Variants in ACER3 observed in about 807,000 individuals in gnomAD.
ACER3 encodes alkCDase 3.
ACER3 carries 16 observed loss-of-function variants against 48.9 expected under a neutral mutation model. That is an observed-to-expected ratio of 0.33 (90% confidence interval 0.22 to 0.50). The LOEUF (loss-of-function observed/expected upper bound fraction) is 0.50, where lower values mean the gene tolerates loss of function less well. Among genes scored for constraint, ACER3 ranks in the 20% least tolerant of loss-of-function variants. ACER3 has a pLI of 0.98. For missense variants in ACER3, 227 were observed against 326.0 expected (o/e 0.70, Z 2.34); for synonymous variants, 109 against 107.8 (o/e 1.01, Z -0.07).
At chr11:76,971,284 GT>G (rs1948292777) in intron 3 of ACER3, among the ~76,000 whole-genome samples, 1 of 152,202 alleles carries the variant, frequency 6.6e-6, no homozygotes, top group Non-Finnish European at 1.5e-5. Context: ...GTTCACGCCT[GT>G]AATCGCAGCA....
At chr11:76,892,279 TC>T (rs1945825892) in intron 1 of ACER3, among the ~76,000 whole-genome samples, 1 of 152,206 alleles carries the variant, frequency 6.6e-6, no homozygotes, top group African/African-American at 2.4e-5. Flanking sequence ...AGGTCTTGGT[TC>T]CCTTCTGCTT....
intron 7 of ACER3, among the ~76,000 whole-genome samples, chr11:77,000,681 T>C (rs1949014840): frequency 6.6e-6 from 1 of 152,228 alleles, no homozygotes; most frequent in Non-Finnish European, 1.5e-5. Flanking sequence ...CCTTTCTCCA[T>C]TGAATTGCCT....
At chr11:76,884,464 A>T (rs973012693) in intron 1 of ACER3, among the ~76,000 whole-genome samples, 1 of 152,106 alleles carries the variant, frequency 6.6e-6, no homozygotes, top group Non-Finnish European at 1.5e-5. Context: ...AGTCCCCCAA[A>T]TCATTGTAGT....
chr11:76,921,436 A>G (rs941660568), intron 1 of ACER3, among the ~76,000 whole-genome samples: 1 of 152,210 alleles, frequency 6.6e-6, no homozygotes, highest in African/African-American at 2.4e-5. Flanking sequence ...TTTTTTTCCT[A>G]TATAAATATG....
chr11:76,950,859 G>A (rs879763405), intron 2 of ACER3, among the ~76,000 whole-genome samples: 2 of 152,162 alleles, frequency 1.3e-5, no homozygotes, highest in Non-Finnish European at 2.9e-5. Flanking sequence ...GTTTTGTTGA[G>A]AGAAAGATAA....
At chr11:76,958,441 C>A (rs1285265879) in intron 2 of ACER3, among the ~76,000 whole-genome samples, 1 of 152,114 alleles carries the variant, frequency 6.6e-6, no homozygotes, top group Non-Finnish European at 1.5e-5. Context: ...CCCACCTCAA[C>A]CTCCCAAAGT....
chr11:76,975,443 A>G (rs1249146892), intron 3 of ACER3, among the ~76,000 whole-genome samples: 2 of 152,116 alleles, frequency 1.3e-5, no homozygotes, highest in African/African-American at 4.8e-5. Context: ...TATCATTGCT[A>G]ATAATAATAA....
At chr11:76,961,551 GAA>G (rs140205342) in intron 3 of ACER3, among the ~76,000 whole-genome samples, 2 of 123,916 alleles carry the variant, frequency 1.6e-5, no homozygotes, top group Admixed American at 1.6e-4. Flanking sequence ...GGCTGGGGCA[GAA>G]AAAAAAAAAA....
chr11:76,911,433 C>T (rs1487041784), intron 1 of ACER3, among the ~76,000 whole-genome samples: 1 of 152,154 alleles, frequency 6.6e-6, no homozygotes, highest in Non-Finnish European at 1.5e-5. Context: ...GGCCAGAGGT[C>T]ACTTTTTTTG....
chr11:77,007,762 C>T (rs986854865), intron 7 of ACER3, among the ~76,000 whole-genome samples: 42 of 152,200 alleles, frequency 2.8e-4, no homozygotes, highest in African/African-American at 9.9e-4. Context: ...CAAGCCCTCA[C>T]TACTTGGCCT....
chr11:76,905,935 A>C (rs1946218849), intron 1 of ACER3, among the ~76,000 whole-genome samples: 1 of 152,246 alleles, frequency 6.6e-6, no homozygotes, highest in Non-Finnish European at 1.5e-5. Flanking sequence ...TAACCATTAC[A>C]TCTGGAAATG....
At chr11:76,923,436 G>T (rs920036815) in intron 1 of ACER3, among the ~76,000 whole-genome samples, 1 of 152,024 alleles carries the variant, frequency 6.6e-6, no homozygotes, top group Non-Finnish European at 1.5e-5. Context: ...TTTAGTCCTT[G>T]TCTGCTAATT....
intron 1 of ACER3, among the ~76,000 whole-genome samples, chr11:76,899,038 G>A (rs1946012725): frequency 6.6e-6 from 1 of 151,266 alleles, no homozygotes; most frequent in East Asian, 1.9e-4. Context: ...TATAATCTTG[G>A]CATCAGGAAA....
In ACER3 at chr11:76,872,905, C is replaced by CTTTTTTTTTTTTTTTTTTT. The variant is rs756362938; in HGVS notation, c.103+11831_103+11832insTTTTTTTTTTTTTTTTTTT. 4.3e-4 allele frequency among the ~76,000 whole-genome samples: 41 copies of CTTTTTTTTTTTTTTTTTTT among 94,570 alleles called. 1 individual carries two copies. The highest frequency in any genetic ancestry group is 7.1e-4 in the South Asian group (2 of 2,836). The allele number at this position is 94,570 out of a possible 152,430, so 62.0% of individuals were successfully genotyped here. On this transcript the variant is annotated intron_variant, in intron 1 of 10. Coordinates refer to ENST00000532485, the MANE Select transcript of ACER3 (RefSeq NM_018367.7). Reference sequence around the variant, plus strand: ...TCTTTTCTTTCTTTCTTTCTTTTTTCTTTTTCTTTTTTTTTTTTTTTTTTG... The same window carrying CTTTTTTTTTTTTTTTTTTT: ...TCTTTTCTTTCTTTCTTTCTTTTTTCTTTTTTTTTTTTTTTTTTTTTTTTCTTTTTTTTTTTTTTTTTTG...
In ACER3 at chr11:77,007,052, C is replaced by T. The variant is rs188877457; in HGVS notation, c.498-7964C>T. On this transcript the variant is annotated intron_variant, in intron 7 of 10. Transcript: ENST00000532485. The stretch of plus-strand genomic sequence containing the variant: ...GTTTGAACCCAGGAGTTCGAGGCTG[C>T]AGTGAGCTAGGATTGTGCCACTGCA... Among the ~76,000 whole-genome samples, 6 of 150,374 alleles carry T rather than the reference C, an allele frequency of 4.0e-5. No individual in the cohort carries two copies. In the East Asian group the frequency reaches 1.2e-3, roughly 30 times the overall value.
intron 1 of ACER3, among the ~76,000 whole-genome samples, chr11:76,867,486 A>G (rs1590854221): frequency 1.6e-5 from 2 of 122,992 alleles, no homozygotes; most frequent in Non-Finnish European, 1.8e-5. Context: ...AAAAAAAAAA[A>G]AAAAAAAAAA....
intron 3 of ACER3, among the ~76,000 whole-genome samples, chr11:76,974,405 A>G (rs546299430): frequency 6.6e-6 from 1 of 152,332 alleles, no homozygotes; most frequent in East Asian, 1.9e-4. Context: ...TACTAAGGTA[A>G]GAGCCAACAG....
Position 77,026,674 on chromosome 11 carries a change from ATT to A in ACER3, c.*6351_*6352del, listed in dbSNP as rs1555025791. On this transcript the variant is annotated 3_prime_UTR_variant, in exon 11 of 11. Transcript: ENST00000532485. ...CATTTGATTTGCTAATGCCACAATC[ATT>A]TTTCTAGAAAATAGTAGGATAATGT... 1 of 152,192 alleles carries A rather than the reference ATT, an allele frequency of 6.6e-6. No individual in the cohort carries two copies. The highest frequency in any genetic ancestry group is 2.4e-5 in the African/African-American group (1 of 41,450). 9.4% of individuals were successfully genotyped at this position (152,192 alleles called of 1,614,324 possible). A position where few individuals can be genotyped will look rare whatever the true frequency, so the allele number is the denominator to read the frequency against.
At chr11:76,995,088 G>T (rs541854881) in intron 6 of ACER3, among the ~76,000 whole-genome samples, 3 of 152,210 alleles carry the variant, frequency 2.0e-5, no homozygotes, top group African/African-American at 7.2e-5. Flanking sequence ...ATACACTATA[G>T]ATATAATAAG....
Sources: allele counts gnomAD v4.1 joint callset (sites outside exome capture counted in the v4.1 genomes callset), GRCh38; gene constraint gnomAD v4.1.1; transcripts MANE v1.5; gene names NCBI Gene and HGNC (gene_info 2026-07-23, HGNC 2026-07-21).